ART3: variants seen among roughly 807,000 people sequenced by gnomAD.
The protein encoded by ART3 is ADP-ribosyltransferase 3 (inactive), also known as ecto-ADP-ribosyltransferase 3.
In ART3, 49 loss-of-function variants were observed where a neutral mutation model predicts 48.5. That is an observed-to-expected ratio of 1.01 (90% CI 0.80 to 1.28). The LOEUF (loss-of-function observed/expected upper bound fraction) is 1.28, where lower values mean the gene tolerates loss of function less well. Among genes scored for constraint, ART3 ranks in the 50% most tolerant of loss-of-function variants. The pLI is 0.00. For synonymous variants in ART3, 145 were observed against 157.2 expected (o/e 0.92, Z 0.58); for missense variants, 438 against 454.3 (o/e 0.96, Z 0.33).
intron 10 of ART3, chr4:76,106,201 A>C (rs1728436336): frequency 5.1e-6 from 5 of 985,464 alleles, no homozygotes; most frequent in Non-Finnish European, 6.0e-6. Context: ...ACTTTGTGCT[A>C]CACTTGTCTT....
intron 1 of ART3, chr4:76,036,120 A>G (rs1734379254): frequency 1.4e-6 from 1 of 709,098 alleles, no homozygotes; most frequent in Admixed American, 2.8e-5. Context: ...ATACACCAGC[A>G]ATCCTTTTAT....
At chr4:76,081,109 G>A (rs900418321) in intron 2 of ART3, among the ~76,000 whole-genome samples, 6 of 152,278 alleles carry the variant, frequency 3.9e-5, no homozygotes, top group Middle Eastern at 3.4e-3. Context: ...TAGGCCCAGC[G>A]TCTAAAGTAT....
chr4:76,022,075 T>G, intron 1 of ART3: 1 of 935,178 alleles, frequency 1.1e-6, no homozygotes, highest in Non-Finnish European at 1.7e-6. Flanking sequence ...GCATTCATTA[T>G]GGATTATAGG....
At chr4:76,059,702 A>G (rs1305049917) in intron 1 of ART3, among the ~76,000 whole-genome samples, 1 of 152,198 alleles carries the variant, frequency 6.6e-6, no homozygotes, top group African/African-American at 2.4e-5. Flanking sequence ...TAAAGTAACA[A>G]GTGACTCTGA....
intron 1 of ART3, among the ~76,000 whole-genome samples, chr4:76,063,905 A>G (rs1719468084): frequency 6.6e-6 from 1 of 152,246 alleles, no homozygotes; most frequent in African/African-American, 2.4e-5. Context: ...CATTTCAAAA[A>G]TGAAAGCACT....
chr4:76,018,157 A>G (rs1442154916), intron 1 of ART3, among the ~76,000 whole-genome samples: 1 of 152,242 alleles, frequency 6.6e-6, no homozygotes, highest in Non-Finnish European at 1.5e-5. Context: ...GTATGTCATC[A>G]CAGCCCTATT....
chr4:76,052,437 GT>G (rs1299209893), intron 1 of ART3, among the ~76,000 whole-genome samples: 11 of 152,134 alleles, frequency 7.2e-5, no homozygotes, highest in Admixed American at 5.9e-4. Context: ...AGAGCCACTG[GT>G]AGCCATCTAC....
chr4:76,068,762 C>G (rs551206478), intron 1 of ART3, among the ~76,000 whole-genome samples: 22 of 152,202 alleles, frequency 1.4e-4, no homozygotes, highest in African/African-American at 5.1e-4. Flanking sequence ...TATAACAAAC[C>G]TACACATGTA....
At chr4:76,074,097 A>G (rs1720611398), upstream of ART3, among the ~76,000 whole-genome samples, 1 of 152,166 alleles carries the variant, frequency 6.6e-6, no homozygotes, top group Non-Finnish European at 1.5e-5. Flanking sequence ...CATTGCAGTC[A>G]GTATATTTAC....
At chr4:76,066,892 A>C (rs1056185010) in intron 1 of ART3, among the ~76,000 whole-genome samples, 10 of 152,176 alleles carry the variant, frequency 6.6e-5, no homozygotes, top group African/African-American at 2.2e-4. Context: ...GAAGCCAAGC[A>C]GTGGGAGCAG....
chr4:76,043,247 C>G (rs1476464367), intron 1 of ART3, among the ~76,000 whole-genome samples: 2 of 152,104 alleles, frequency 1.3e-5, no homozygotes, highest in Non-Finnish European at 2.9e-5. Context: ...GGATCCCGCA[C>G]CAGGGCTGCA....
intron 1 of ART3, chr4:76,035,233 A>G (rs745610688): frequency 6.2e-7 from 1 of 1,614,110 alleles, no homozygotes; most frequent in Non-Finnish European, 8.5e-7. Context: ...CTATTTTGTC[A>G]CAGTTGTTAC....
At chr4:76,034,668 G>C (rs1734183121) in intron 1 of ART3, 1 of 811,186 alleles carries the variant, frequency 1.2e-6, no homozygotes. Flanking sequence ...AAAGTTGAAA[G>C]TCACAAAACC....
At chr4:76,100,629 CA>C (rs71659303) in intron 6 of ART3, among the ~76,000 whole-genome samples, 165 bp from the exon 7 acceptor site, 3,956 of 88,002 alleles carry the variant, frequency 0.045, 142 homozygotes, top group African/African-American at 0.14. Context: ...GGCTCCGTCT[CA>C]AAAAAAAAAA....
chr4:76,072,290 C>G (rs1368404135), upstream of ART3, among the ~76,000 whole-genome samples: 1 of 152,056 alleles, frequency 6.6e-6, no homozygotes, highest in Non-Finnish European at 1.5e-5. Context: ...CTTTTAGAAC[C>G]CACAAATGCT....
intron 3 of ART3, among the ~76,000 whole-genome samples, chr4:76,088,725 C>T (rs1326174791): frequency 6.6e-6 from 1 of 152,110 alleles, no homozygotes; most frequent in Non-Finnish European, 1.5e-5. Context: ...ACATATCCAA[C>T]ACCATAAGAA....
chr4:76,043,577 C>T lies in ART3; in HGVS notation c.-10+32257C>T, dbSNP rs188704801. Among the ~76,000 whole-genome samples the T allele has an allele frequency of 4.7e-4, 72 of 152,240 alleles. No homozygotes were observed. In the East Asian group the frequency reaches 0.012, roughly 26 times the overall value. On this transcript the variant is annotated intron_variant, in intron 1 of 9. Transcript: ENST00000341029. Reference sequence around the variant, plus strand: ...GGCCGGCAGGGCTGGCCAGCTGTTCCGAGTGCGGGGCCCACCAAGCCCACG... The same window carrying T: ...GGCCGGCAGGGCTGGCCAGCTGTTCTGAGTGCGGGGCCCACCAAGCCCACG...
At chr4:76,043,513 G>A (rs997751955) in intron 1 of ART3, among the ~76,000 whole-genome samples, 22 of 152,134 alleles carry the variant, frequency 1.4e-4, no homozygotes, top group Non-Finnish European at 5.9e-5. Flanking sequence ...TACACCCTCC[G>A]CAGCTGCTGG....
At chr4:76,106,068 T>A (rs1387647643) in intron 10 of ART3, 6 of 985,226 alleles carry the variant, frequency 6.1e-6, no homozygotes, top group Non-Finnish European at 7.2e-6. Flanking sequence ...ACACAGGAGC[T>A]CATTTAATCC....
Sources: allele counts gnomAD v4.1 joint callset (sites outside exome capture counted in the v4.1 genomes callset), GRCh38; gene constraint gnomAD v4.1.1; transcripts MANE v1.5; gene names NCBI Gene and HGNC (gene_info 2026-07-23, HGNC 2026-07-21).